The following ABCC1 variants were observed in gnomAD, a reference collection of about 807,000 sequenced individuals.
ABCC1 encodes the protein multidrug resistance-associated protein 1.
A neutral mutation model predicts 172.9 loss-of-function variants in ABCC1; 83 were observed. That is an observed-to-expected ratio of 0.48 (90% CI 0.40 to 0.58). The LOEUF is 0.58. Among genes scored for constraint, ABCC1 ranks in the 20% least tolerant of loss-of-function variants. ABCC1 has a pLI of 0.00. For synonymous variants in ABCC1, 937 were observed against 825.2 expected, an observed-to-expected ratio of 1.14 and a Z score of -2.32; for missense variants, 1,817 against 2,002.7, an observed-to-expected ratio of 0.91 and a Z score of 1.77.
chr16:16,115,320 A>G (rs1237038405), intron 23 of ABCC1, among the ~76,000 whole-genome samples: 1 of 152,240 alleles, frequency 6.6e-6, no homozygotes, highest in Non-Finnish European at 1.5e-5. Context: ...AAAAGGAAAC[A>G]AAACCTATCA....
intron 20 of ABCC1, 53 bp from the exon 21 acceptor site, chr16:16,106,685 G>T: frequency 6.2e-7 from 1 of 1,610,458 alleles, no homozygotes; most frequent in South Asian, 1.1e-5. Context: ...GGAGCCCTCC[G>T]ACCCTGCCCA....
chr16:16,083,658 A>T (rs1409163893), intron 17 of ABCC1, 116 bp downstream of exon 17: 4 of 1,379,142 alleles, frequency 2.9e-6, no homozygotes, highest in African/African-American at 2.9e-5. Flanking sequence ...GGCAGGGCTC[A>T]GCTGGGCGGC....
chr16:16,098,902 G>C (rs972627997), intron 19 of ABCC1: 22 of 1,351,996 alleles, frequency 1.6e-5, no homozygotes, highest in Non-Finnish European at 2.2e-5. Context: ...GGAGGAAGCA[G>C]GTCAGTACTG....
Position 16,045,858 on chromosome 16 carries a change from G to A in ABCC1, c.1063G>A (p.Asp355Asn), listed in dbSNP as rs2049185487. ...CAGGTTGCTCATCAAGTTCGTGAAT[G>A]ACACGAAGGCCCCAGACTGGCAGGG... is the stretch of plus-strand genomic sequence containing the variant. ...ILKLLIKFVN[D>N]TKAPDWQGYF... The change falls in exon 9 of 31, where the codon GAC becomes AAC. Residue 355 changes from aspartate to asparagine, a missense_variant. Coordinates refer to ENST00000399410, the MANE Select transcript of ABCC1 (RefSeq NM_004996.4). The A allele has an allele frequency of 6.2e-7, 1 of 1,614,146 alleles. No individual in the cohort carries two copies. The highest frequency in any genetic ancestry group is 1.7e-5 in the Admixed American group (1 of 60,006).
At chr16:16,006,038 T>C (rs1279551731) in intron 1 of ABCC1, among the ~76,000 whole-genome samples, 2 of 151,266 alleles carry the variant, frequency 1.3e-5, no homozygotes, top group Non-Finnish European at 2.9e-5. Context: ...AAATTTTAAA[T>C]GTTGGGATCT....
intron 15 of ABCC1, 139 bp downstream of exon 15, chr16:16,076,540 A>G (rs1206844674): frequency 2.6e-6 from 2 of 768,816 alleles, no homozygotes; most frequent in Non-Finnish European, 4.0e-6. Context: ...TAGCTTACCC[A>G]TCTGGACAAT....
intron 5 of ABCC1, among the ~76,000 whole-genome samples, chr16:16,021,359 A>G (rs1289452949): frequency 2.6e-5 from 4 of 151,882 alleles, no homozygotes; most frequent in African/African-American, 7.3e-5. Context: ...AAATATATGT[A>G]ACCTAAGATT....
chr16:15,977,998 A>G (rs1317547402), intron 1 of ABCC1, among the ~76,000 whole-genome samples: 1 of 152,146 alleles, frequency 6.6e-6, no homozygotes, highest in African/African-American at 2.4e-5. Context: ...CCTCAGCAAA[A>G]TGGAAAAAAT....
chr16:16,083,895 G>A (rs2050905480), intron 17 of ABCC1, among the ~76,000 whole-genome samples: 1 of 152,154 alleles, frequency 6.6e-6, no homozygotes, highest in African/African-American at 2.4e-5. Context: ...ACTTGGCCAA[G>A]CTCAAAGGCA....
At chr16:16,000,575 G>A (rs966643132) in intron 1 of ABCC1, among the ~76,000 whole-genome samples, 2 of 152,108 alleles carry the variant, frequency 1.3e-5, no homozygotes, top group Non-Finnish European at 2.9e-5. Flanking sequence ...GTCATAGCTA[G>A]TCTCTACCTG....
At chr16:16,015,409 A>C (rs1732245309) in intron 4 of ABCC1, among the ~76,000 whole-genome samples, 1 of 152,186 alleles carries the variant, frequency 6.6e-6, no homozygotes, top group South Asian at 2.1e-4. Context: ...AAGTGTTGGG[A>C]TTACAGGCGT....
At chr16:15,960,722 A>G (rs749515572) in intron 1 of ABCC1, among the ~76,000 whole-genome samples, 8 of 152,148 alleles carry the variant, frequency 5.3e-5, no homozygotes, top group Admixed American at 5.2e-4. Context: ...ATGTGGGGGA[A>G]GGGAGTCCCA....
intron 27 of ABCC1, among the ~76,000 whole-genome samples, chr16:16,133,063 C>T (rs1184862062): frequency 3.9e-5 from 6 of 152,058 alleles, no homozygotes; most frequent in Non-Finnish European, 8.8e-5. Flanking sequence ...TAAGGTGTCA[C>T]CATCCCTTCT....
intron 23 of ABCC1, among the ~76,000 whole-genome samples, chr16:16,118,455 T>C (rs1162489522): frequency 3.4e-5 from 5 of 148,240 alleles, no homozygotes; most frequent in Non-Finnish European, 6.0e-5. Flanking sequence ...CCCCTGCATT[T>C]ACCAAATATG....
At chr16:15,955,417 T>C (rs1447235356) in intron 1 of ABCC1, among the ~76,000 whole-genome samples, 1 of 151,934 alleles carries the variant, frequency 6.6e-6, no homozygotes, top group African/African-American at 2.4e-5. Flanking sequence ...ACCCCTACAG[T>C]CTAGTCTTGG....
intron 3 of ABCC1, 144 bp downstream of exon 3, chr16:16,010,045 T>TTTTTTTTTTTTTTG (rs2047719279): frequency 1.6e-6 from 1 of 620,032 alleles, no homozygotes; most frequent in Admixed American, 4.8e-5. Context: ...GCCTTTTTTT[T>TTTTTTTTTTTTTTG]TTTTTTTTTT....
chr16:16,058,829 T>C (rs188340437), intron 12 of ABCC1, among the ~76,000 whole-genome samples: 296 of 152,244 alleles, frequency 1.9e-3, no homozygotes, highest in African/African-American at 6.8e-3. Flanking sequence ...TTTTAAAATA[T>C]CTTTAGTGTA....
chr16:16,066,840 T>C (rs1274509244), intron 12 of ABCC1, among the ~76,000 whole-genome samples: 1 of 150,522 alleles, frequency 6.6e-6, no homozygotes, highest in Non-Finnish European at 1.5e-5. Flanking sequence ...GAGGCAGAGG[T>C]TGCGGTGAAC....
intron 19 of ABCC1, among the ~76,000 whole-genome samples, chr16:16,095,996 G>A (rs1298480628): frequency 1.3e-5 from 2 of 152,154 alleles, no homozygotes; most frequent in Admixed American, 6.5e-5. Context: ...AGGAAAAAAG[G>A]TGGCTCATAT....
Sources: allele counts gnomAD v4.1 joint callset (sites outside exome capture counted in the v4.1 genomes callset), GRCh38; gene constraint gnomAD v4.1.1; transcripts MANE v1.5; gene names NCBI Gene and HGNC (gene_info 2026-07-23, HGNC 2026-07-21).